The following SHANK2 variants were observed in gnomAD, a reference collection of about 807,000 sequenced individuals.
SHANK2 encodes SH3 and multiple ankyrin repeat domains 2.
A neutral mutation model predicts 133.7 loss-of-function variants in SHANK2; 43 were observed. That is an observed-to-expected ratio of 0.32 (90% CI 0.25 to 0.41). The LOEUF (loss-of-function observed/expected upper bound fraction) is 0.41, where lower values mean the gene tolerates loss of function less well. Ranked by LOEUF, SHANK2 falls within the 10% of genes least tolerant of loss-of-function variation. SHANK2 has a pLI of 1.00. For missense variants in SHANK2, 1,994 were observed against 2,235.8 expected (o/e 0.89, Z 2.18); for synonymous variants, 1,017 against 952.8 (o/e 1.07, Z -1.24).
intron 2 of SHANK2, among the ~76,000 whole-genome samples, chr11:71,223,497 T>C (rs1565525597): frequency 6.6e-6 from 1 of 152,208 alleles, no homozygotes. Flanking sequence ...TTACATATCA[T>C]TTACATTGTT....
chr11:70,523,615 C>A (rs1234644906), intron 17 of SHANK2, among the ~76,000 whole-genome samples: 5 of 152,148 alleles, frequency 3.3e-5, no homozygotes, highest in Non-Finnish European at 7.4e-5. Context: ...TATGGTCCTG[C>A]CCCCTCCCTG....
intron 22 of SHANK2, 124 bp downstream of exon 22, chr11:70,492,211 G>GC: frequency 7.1e-7 from 1 of 1,415,192 alleles, no homozygotes; most frequent in Non-Finnish European, 9.8e-7. Flanking sequence ...TTAGATTTGG[G>GC]CCCCACCTCT....
At chr11:70,827,377 C>A (rs1948659065) in intron 11 of SHANK2, among the ~76,000 whole-genome samples, 1 of 151,546 alleles carries the variant, frequency 6.6e-6, no homozygotes, top group African/African-American at 2.4e-5. Flanking sequence ...TCACTTTAGG[C>A]ATTTCCTCAG....
Position 70,485,286 on chromosome 11 carries a change from T to C in SHANK2, c.4979+28A>G. ...AGCAGGGACAGTGCACGCAGAGCGG[T>C]GTGCATGTGCACCAACCGCGGACTT... On this transcript the variant is annotated intron_variant, in intron 25 of 25. Transcript: ENST00000601538. The surrounding 1 kb of genome is among the most constrained non-coding windows in gnomAD (Gnocchi z 5.8). The C allele has an allele frequency of 6.3e-7, 1 of 1,579,962 alleles. No homozygotes were observed.
chr11:70,615,568 C>T (rs529375973), intron 17 of SHANK2, among the ~76,000 whole-genome samples: 5 of 152,308 alleles, frequency 3.3e-5, no homozygotes, highest in East Asian at 3.9e-4. Context: ...GTCAAGACTC[C>T]GGTCAGCTTT....
In SHANK2 at chr11:71,175,551, G is replaced by GGAGAGAGAGA. The variant is rs555218781; in HGVS notation, c.-12-28223_-12-28214dup. Among the ~76,000 whole-genome samples the GGAGAGAGAGA allele has an allele frequency of 6.9e-4, 28 of 40,680 alleles. No individual in the cohort carries two copies. The highest frequency in any genetic ancestry group is 1.4e-3 in the African/African-American group (17 of 12,254). The allele number at this position is 40,680 out of a possible 152,430, so 26.7% of individuals were successfully genotyped here. ...CAGACAGACAGAGGGAGAGGGAGAG[G>GGAGAGAGAGA]GAGAGAGAGAGAGAGAGAGAGAGAG... On this transcript the variant is annotated intron_variant, in intron 2 of 25. Coordinates refer to ENST00000601538, the MANE Select transcript of SHANK2 (RefSeq NM_012309.5). This position sits in a 1 kb window ranked among gnomAD's most constrained non-coding sequence, Gnocchi z 4.2.
At chr11:70,946,576 C>A (rs370020751) in intron 10 of SHANK2, among the ~76,000 whole-genome samples, 102 of 150,216 alleles carry the variant, frequency 6.8e-4, no homozygotes, top group African/African-American at 2.4e-3. Flanking sequence ...TCTCCACTAA[C>A]CAACACTTCC....
chr11:70,666,176 G>A (rs147270918), intron 15 of SHANK2, among the ~76,000 whole-genome samples: 634 of 152,338 alleles, frequency 4.2e-3, no homozygotes, highest in Non-Finnish European at 6.9e-3. Flanking sequence ...TAGACTCAGT[G>A]CTGCAGAGGA....
chr11:70,621,909 G>C (rs1554998029), intron 17 of SHANK2, among the ~76,000 whole-genome samples: 1 of 152,140 alleles, frequency 6.6e-6, no homozygotes, highest in Non-Finnish European at 1.5e-5. Flanking sequence ...CACACCCCCA[G>C]GCCTGGCCAG....
At chr11:71,093,018 G>A (rs1272863443) in intron 7 of SHANK2, among the ~76,000 whole-genome samples, 2 of 127,134 alleles carry the variant, frequency 1.6e-5, no homozygotes, top group South Asian at 2.9e-4. Flanking sequence ...CTCCAGCCTG[G>A]GCAACAAGAG....
In SHANK2 at chr11:70,820,739, G is replaced by T. The variant is rs1168500920; in HGVS notation, c.1175-57C>A. ...AGTGCATCTGTGTCGTGGTCAGCTG[G>T]GTGGGGACCCTAGGGAGGTGCAGGC... On this transcript the variant is annotated intron_variant, in intron 11 of 25. Coordinates refer to ENST00000601538, the MANE Select transcript of SHANK2 (RefSeq NM_012309.5). 7 of 614,944 alleles carry T rather than the reference G, an allele frequency of 1.1e-5. 1 individual carries two copies. The African/African-American group carries it at 1.3e-4, about 11-fold the overall frequency. The allele number at this position is 614,944 out of a possible 1,614,324, so 38.1% of individuals were successfully genotyped here. A position where few individuals can be genotyped will look rare whatever the true frequency, so the allele number is the denominator to read the frequency against.
intron 2 of SHANK2, among the ~76,000 whole-genome samples, chr11:71,211,304 C>T (rs1555118864): frequency 6.6e-6 from 1 of 150,978 alleles, no homozygotes; most frequent in Non-Finnish European, 1.5e-5. Context: ...TTTGGGAGGC[C>T]GAGGAGGTCA....
At position 71,093,599 on chromosome 11, in the gene SHANK2, G is replaced by A. The variant is rs557571905; in HGVS notation, c.744+938C>T. Among the ~76,000 whole-genome samples the A allele has an allele frequency of 6.6e-5, 10 of 152,132 alleles. No homozygotes were observed. The East Asian group carries it at 7.7e-4, about 12-fold the overall frequency. The stretch of plus-strand genomic sequence containing the variant: ...TCCCTCTCTGTCTTCCTCCCACTCC[G>A]GTCACAGGAACTGCCTGCTCCCGCT... On this transcript the variant is annotated intron_variant, in intron 7 of 25. Coordinates refer to ENST00000601538, the MANE Select transcript of SHANK2 (RefSeq NM_012309.5).
chr11:70,730,823 TTTC>T (rs562425692), intron 14 of SHANK2, among the ~76,000 whole-genome samples: 1,722 of 115,380 alleles, frequency 0.015, 19 homozygotes, highest in South Asian at 0.1. Context: ...CTCTTTTTTA[TTTC>T]TTTTTTTTTT....
At chr11:71,249,705 C>T (rs1948144678) in intron 1 of SHANK2, among the ~76,000 whole-genome samples, 1 of 152,224 alleles carries the variant, frequency 6.6e-6, no homozygotes, top group Non-Finnish European at 1.5e-5. Flanking sequence ...CCAGAACTCT[C>T]TCGTCTGCAA....
chr11:71,180,562 AC>A (rs1590993825), intron 2 of SHANK2, among the ~76,000 whole-genome samples: 1 of 152,106 alleles, frequency 6.6e-6, no homozygotes, highest in African/African-American at 2.4e-5. Flanking sequence ...AAGAAAAAAA[AC>A]CCCACACACA....
intron 13 of SHANK2, among the ~76,000 whole-genome samples, chr11:70,806,487 C>A (rs887816889): frequency 3.9e-5 from 6 of 152,242 alleles, no homozygotes; most frequent in Admixed American, 3.3e-4. Flanking sequence ...CTAACCCCTT[C>A]TTGACCTGGT....
chr11:70,784,907 C>T (rs376983301), intron 14 of SHANK2, among the ~76,000 whole-genome samples: 30 of 152,242 alleles, frequency 2.0e-4, no homozygotes, highest in African/African-American at 7.0e-4. Context: ...TCCATGGACA[C>T]AGGAAGCCAC....
At chr11:71,116,320 G>A (rs1555100332) in intron 4 of SHANK2, among the ~76,000 whole-genome samples, 1 of 152,244 alleles carries the variant, frequency 6.6e-6, no homozygotes. Flanking sequence ...AACATGTTGT[G>A]CAGGAGTAGA....
Sources: gnomAD v4.1 joint callset for allele counts (sites outside exome capture counted in the v4.1 genomes callset) on GRCh38, gnomAD v4.1.1 for gene constraint, Gnocchi (gnomAD v3.1) non-coding constraint, MANE v1.5 for transcripts, NCBI Gene and HGNC (gene_info 2026-07-23, HGNC 2026-07-21) for gene names.